Variants in BTAF1 observed in about 807,000 individuals in gnomAD.
BTAF1 encodes the protein TATA-binding protein-associated factor 172.
BTAF1 carries 38 observed loss-of-function variants against 227.1 expected under a neutral mutation model. The observed-to-expected ratio is 0.17, with a 90% CI of 0.13 to 0.22. The LOEUF (loss-of-function observed/expected upper bound fraction) is 0.22. BTAF1 is among the 10% of genes least tolerant of loss of function. The pLI, the probability that BTAF1 is intolerant of heterozygous loss-of-function variation, is 1.00. For missense variants in BTAF1, 1,598 were observed against 2,204.0 expected (o/e 0.73, Z 5.51); for synonymous variants, 742 against 751.9 (o/e 0.99, Z 0.21).
At chr10:91,964,251 TCG>T in intron 13 of BTAF1, 50 bp downstream of exon 13, 3 of 1,558,190 alleles carry the variant, frequency 1.9e-6, no homozygotes, top group Non-Finnish European at 2.6e-6. Context: ...TACATACCTT[TCG>T]AGATAATTCA....
Position 91,989,253 on chromosome 10 carries a change from A to G in BTAF1, c.2527A>G (p.Thr843Ala). 1.2e-6 allele frequency: 2 copies of G among 1,614,216 alleles called. No homozygotes were observed. The highest frequency in any genetic ancestry group is 1.7e-6 in the Non-Finnish European group (2 of 1,180,042). Reference sequence around the variant, plus strand: ...ACGACAGCAGGTCCAAATGACAGTTACAGAGACCAACCAGGAGTGGCAAGT... The same window carrying G: ...ACGACAGCAGGTCCAAATGACAGTTGCAGAGACCAACCAGGAGTGGCAAGT... ...SKRQQVQMTV[T>A]ETNQEWQVLQ... Residue 843 changes from threonine (T) to alanine (A), a missense_variant, in exon 20 of 38, where the codon ACA becomes GCA. Around this residue, in one of 10 missense-constraint regions of BTAF1, gnomAD observed 425 missense variants for 491.2 expected, o/e 0.87. Coordinates refer to ENST00000265990, the MANE Select transcript of BTAF1 (RefSeq NM_003972.3).
intron 3 of BTAF1, 114 bp from the exon 4 acceptor site, chr10:91,942,298 TTGTGTGTGTG>T (rs58443276): frequency 3.4e-3 from 1,871 of 543,532 alleles, no homozygotes; most frequent in Non-Finnish European, 4.1e-3. Flanking sequence ...AAAAAAAAGT[TTGTGTGTGTG>T]TGTGTGTGTG....
At chr10:92,019,189 C>G (rs1313614771) in intron 34 of BTAF1, among the ~76,000 whole-genome samples, 1 of 152,154 alleles carries the variant, frequency 6.6e-6, no homozygotes, top group African/African-American at 2.4e-5. Context: ...TATCTTACTG[C>G]TAAAATATTT....
chr10:91,951,598 G>A, intron 5 of BTAF1, 32 bp downstream of exon 5: 1 of 1,554,446 alleles, frequency 6.4e-7, no homozygotes, highest in African/African-American at 1.4e-5. Context: ...TTGATTGCAA[G>A]TAATAATACA....
At chr10:91,935,812 A>G in intron 2 of BTAF1, 32 bp downstream of exon 2, 1 of 1,539,878 alleles carries the variant, frequency 6.5e-7, no homozygotes, top group South Asian at 1.2e-5. Flanking sequence ...TTAGCATAAT[A>G]CAATTGTAGA....
At chr10:91,978,307 G>A (rs907558820) in intron 14 of BTAF1, among the ~76,000 whole-genome samples, 2 of 152,160 alleles carry the variant, frequency 1.3e-5, no homozygotes, top group East Asian at 3.9e-4. Flanking sequence ...CTCTATAGAT[G>A]TGACTTTTGG....
intron 12 of BTAF1, among the ~76,000 whole-genome samples, chr10:91,963,113 A>G (rs1564677366): frequency 1.3e-5 from 2 of 152,036 alleles, no homozygotes; most frequent in African/African-American, 4.8e-5. Context: ...TATACACATA[A>G]CATTTTCTTT....
intron 34 of BTAF1, among the ~76,000 whole-genome samples, chr10:92,020,250 G>A (rs1335018778): frequency 1.3e-5 from 2 of 151,994 alleles, no homozygotes; most frequent in African/African-American, 4.8e-5. Flanking sequence ...TCATGTCGAT[G>A]TGGATTTCTT....
In BTAF1 at chr10:92,018,898, A is replaced by G; in HGVS notation, c.4826A>G (p.Asp1609Gly). 1 of 1,606,302 alleles carries G rather than the reference A, an allele frequency of 6.2e-7. No homozygotes were observed. Among genetic ancestry groups the G allele is most frequent in the Non-Finnish European group, 8.5e-7 (1 of 1,177,514 alleles). The change falls in exon 34 of 38, where the codon GAT (aspartate) becomes GGT (glycine). Residue 1609 changes from aspartate (D) to glycine (G), a missense_variant. This residue lies in a region of BTAF1 where 205 missense variants were observed against 244.5 expected (regional missense o/e 0.84). Transcript: ENST00000265990. ...GCAGTTCAGAATTCTTCTCTACATG[A>G]TATTCAACATGCCCCTAAGCTCTCA... ...KLAVQNSSLHDIQHAPKLSAL... is the reference protein window; with the variant it reads ...KLAVQNSSLHGIQHAPKLSAL...
At chr10:91,935,923 C>T (rs868390583) in intron 2 of BTAF1, 143 bp downstream of exon 2, 9 of 599,518 alleles carry the variant, frequency 1.5e-5, no homozygotes, top group Admixed American at 8.6e-5. Flanking sequence ...AAGACTTAAA[C>T]TTTTTTTTTT....
At chr10:92,025,652 T>C (rs1206816367) in intron 35 of BTAF1, among the ~76,000 whole-genome samples, 1 of 151,344 alleles carries the variant, frequency 6.6e-6, no homozygotes, top group East Asian at 1.9e-4. Flanking sequence ...ACTAAAAATA[T>C]AAAAATTAGC....
intron 2 of BTAF1, among the ~76,000 whole-genome samples, chr10:91,938,358 T>G (rs1002092175): frequency 2.6e-5 from 4 of 152,236 alleles, no homozygotes; most frequent in Non-Finnish European, 4.4e-5. Context: ...GACAAAGATT[T>G]ACCCCTAAGT....
intron 37 of BTAF1, 149 bp downstream of exon 37, chr10:92,027,449 TGCA>T: frequency 1.5e-6 from 1 of 662,950 alleles, no homozygotes; most frequent in Non-Finnish European, 2.5e-6. Context: ...AGATAAATTC[TGCA>T]GCATACTAGG....
At chr10:91,939,300 C>A (rs1347101842) in intron 2 of BTAF1, among the ~76,000 whole-genome samples, 1 of 152,162 alleles carries the variant, frequency 6.6e-6, no homozygotes, top group Admixed American at 6.5e-5. Context: ...TTATATCTTA[C>A]AACCATACTA....
chr10:92,022,416 T>C (rs527376460), intron 34 of BTAF1, among the ~76,000 whole-genome samples: 3 of 152,268 alleles, frequency 2.0e-5, no homozygotes, highest in South Asian at 2.1e-4. Context: ...GTCACACTTA[T>C]AACACTTTTT....
chr10:91,928,103 G>T (rs886343660), intron 1 of BTAF1, among the ~76,000 whole-genome samples: 4 of 134,872 alleles, frequency 3.0e-5, no homozygotes, highest in African/African-American at 1.0e-4. Flanking sequence ...CCTATAGGAA[G>T]GCAATTAGAA....
chr10:91,957,370 C>A, intron 8 of BTAF1, 77 bp downstream of exon 8: 1 of 1,220,648 alleles, frequency 8.2e-7, no homozygotes, highest in Non-Finnish European at 1.2e-6. Context: ...GAGCAATATA[C>A]TTTGTCAGAG....
chr10:91,955,334 T>G (rs536813827), intron 6 of BTAF1, among the ~76,000 whole-genome samples: 1 of 152,320 alleles, frequency 6.6e-6, no homozygotes, highest in East Asian at 1.9e-4. Flanking sequence ...TTCTAGGCCC[T>G]GAGGACATGT....
chr10:92,016,625 G>A (rs959636741), intron 33 of BTAF1, among the ~76,000 whole-genome samples, 160 bp downstream of exon 33: 1 of 151,920 alleles, frequency 6.6e-6, no homozygotes, highest in Non-Finnish European at 1.5e-5. Flanking sequence ...AGAGGTGTGC[G>A]CCACCATGCC....
Sources: allele counts gnomAD v4.1 joint callset (sites outside exome capture counted in the v4.1 genomes callset), GRCh38; gene constraint gnomAD v4.1.1; regional missense constraint gnomAD v4.1.1; transcripts MANE v1.5; gene names NCBI Gene and HGNC (gene_info 2026-07-23, HGNC 2026-07-21).